The following ZNF276 variants were observed in gnomAD, a reference collection of about 807,000 sequenced individuals.
The protein encoded by ZNF276 is zinc finger protein 276, also known as centromere protein Z.
In ZNF276, 59 loss-of-function variants were observed where a neutral mutation model predicts 63.9. That is an observed-to-expected ratio of 0.92 (90% CI 0.75 to 1.15). The LOEUF (loss-of-function observed/expected upper bound fraction) is 1.15. Among genes scored for constraint, ZNF276 ranks in the 50% most tolerant of loss-of-function variants. The pLI is 0.00. For synonymous variants in ZNF276, 496 were observed against 348.4 expected, an observed-to-expected ratio of 1.42 and a Z score of -4.72; for missense variants, 1,084 against 843.8, an observed-to-expected ratio of 1.28 and a Z score of -3.53.
rs1012444773 is a variant in ZNF276 at position 89,729,184 on chromosome 16, T to G, written c.1086-51T>G. The G allele has an allele frequency of 3.3e-6, 5 of 1,528,934 alleles. No homozygotes were observed. In the Admixed American group the frequency reaches 6.7e-5, roughly 21 times the overall value. The allele number at this position is 1,528,934 out of a possible 1,614,324, so 94.7% of individuals were successfully genotyped here. A position where few individuals can be genotyped will look rare whatever the true frequency, so the allele number is the denominator to read the frequency against. ...TTTAGGCAGGAGGTCGTGTTGGGTCTGTCACTGCCCAGGCCCAGGGCTTTG... is the reference window on the plus strand; with the variant it reads ...TTTAGGCAGGAGGTCGTGTTGGGTCGGTCACTGCCCAGGCCCAGGGCTTTG... On this transcript the variant is annotated intron_variant, in intron 5 of 10. Coordinates refer to ENST00000443381, the MANE Select transcript of ZNF276 (RefSeq NM_001113525.2).
At position 89,733,546 on chromosome 16, in the gene ZNF276, G is replaced by C; in HGVS notation, c.1345G>C (p.Asp449His). ...CTGCACGGCCGTGTACCGAGGCGCT[G>C]ACGGCATGAAGGTGAGCACTGGCTG... The part of the protein sequence containing the change: ...QGCTAVYRGA[D>H]GMKKHIKEHH... Residue 449 changes from aspartate to histidine, a missense_variant, in exon 8 of 11, where the codon GAC becomes CAC. By Grantham distance (81) the Asp-to-His change is moderately conservative. Coordinates refer to ENST00000443381, the MANE Select transcript of ZNF276 (RefSeq NM_001113525.2). 3.1e-6 allele frequency: 5 copies of C among 1,614,062 alleles called. No individual in the cohort carries two copies. The highest frequency in any genetic ancestry group is 4.2e-6 in the Non-Finnish European group (5 of 1,180,044).
In ZNF276 at chr16:89,735,579, A is replaced by G. The variant is rs1188219604; in HGVS notation, c.1474+1541A>G. Reference sequence around the variant, plus strand: ...GGTCACAACCAGCAGTTCCTTAAAAACCTGAAATTGGGCCGGGTGCAGTGG... The same window carrying G: ...GGTCACAACCAGCAGTTCCTTAAAAGCCTGAAATTGGGCCGGGTGCAGTGG... On this transcript the variant is annotated intron_variant, in intron 9 of 10. Transcript: ENST00000443381. Among the ~76,000 whole-genome samples, 4 of 151,878 alleles carry G rather than the reference A, an allele frequency of 2.6e-5. No homozygotes were observed. In the East Asian group the frequency reaches 7.7e-4, roughly 29 times the overall value.
intron 9 of ZNF276, among the ~76,000 whole-genome samples, chr16:89,737,141 ACC>A (rs899524525): frequency 1.3e-5 from 2 of 152,110 alleles, no homozygotes; most frequent in African/African-American, 4.8e-5. Context: ...CTGGGTATGG[ACC>A]CCTCTCATAT....
At chr16:89,720,495 C>A, upstream of ZNF276, 1 of 1,127,802 alleles carries the variant, frequency 8.9e-7, no homozygotes, top group Non-Finnish European at 1.1e-6. Flanking sequence ...CCTGCTACAT[C>A]TCCTCTACAG....
chr16:89,720,572 A>C, upstream of ZNF276: 1 of 1,196,994 alleles, frequency 8.4e-7, no homozygotes, highest in Non-Finnish European at 1.0e-6. Flanking sequence ...GCAGGATCTG[A>C]GCTGTCCAAG....
At position 89,738,666 on chromosome 16, in the gene ZNF276, C is replaced by G. The variant is rs74977201; in HGVS notation, c.*420C>G. 1 of 1,613,026 alleles carries G rather than the reference C, an allele frequency of 6.2e-7. No homozygotes were observed. Among genetic ancestry groups the G allele is most frequent in the South Asian group, 1.1e-5 (1 of 91,038 alleles). ...GCAGCCTGCTGTCTGCTCTGGAGGG[C>G]GGCGCTCACCTCTGGGTCGCAGTCC... is the stretch of plus-strand genomic sequence containing the variant. On this transcript the variant is annotated 3_prime_UTR_variant, in exon 11 of 11. Transcript: ENST00000443381.
upstream of ZNF276, chr16:89,720,966 C>T (rs2061249984): frequency 2.7e-6 from 3 of 1,108,246 alleles, no homozygotes; most frequent in East Asian, 1.1e-4. Flanking sequence ...AGCAGCGGAC[C>T]GCAGGAAGGG....
Position 89,722,890 on chromosome 16 carries a change from G to T in ZNF276, c.509+56G>T, listed in dbSNP as rs567455815. On this transcript the variant is annotated intron_variant, in intron 2 of 10. Transcript: ENST00000443381. ...GGCTGTCAGTACTGCAGTGTGACGGGTGTTGAGAGAGGGACAGGGCGTGCC... is the reference window on the plus strand; with the variant it reads ...GGCTGTCAGTACTGCAGTGTGACGGTTGTTGAGAGAGGGACAGGGCGTGCC... 3.8e-6 allele frequency: 6 copies of T among 1,572,422 alleles called. No individual in the cohort carries two copies. In the African/African-American group the frequency reaches 6.7e-5, roughly 18 times the overall value.
intron 9 of ZNF276, among the ~76,000 whole-genome samples, chr16:89,736,271 C>A (rs1167977729): frequency 1.3e-5 from 2 of 152,002 alleles, no homozygotes; most frequent in African/African-American, 4.8e-5. Context: ...AGGTGATTTG[C>A]CTGCCTTGGC....
In ZNF276 at chr16:89,740,159, G is replaced by C; in HGVS notation, c.*1913G>C. ...CGACCTGGTGCTCCCATGGGTAGGA[G>C]GGTACAGCCCTCAGCACAGAAGAGG... On this transcript the variant is annotated 3_prime_UTR_variant, in exon 11 of 11. Coordinates refer to ENST00000443381, the MANE Select transcript of ZNF276 (RefSeq NM_001113525.2). 7.5e-7 allele frequency: 1 copy of C among 1,337,232 alleles called. No individual in the cohort carries two copies. The highest frequency in any genetic ancestry group is 1.1e-6 in the Non-Finnish European group (1 of 928,710). The allele number at this position is 1,337,232 out of a possible 1,614,324, so 82.8% of individuals were successfully genotyped here.
At chr16:89,725,000 C>T (rs147565172) in intron 4 of ZNF276, among the ~76,000 whole-genome samples, 214 of 152,330 alleles carry the variant, frequency 1.4e-3, no homozygotes, top group African/African-American at 4.9e-3. Flanking sequence ...GGCTGGAGTG[C>T]GGTGGTGCCA....
chr16:89,739,888 AC>A lies in ZNF276; in HGVS notation c.*1643del, dbSNP rs759003764. On this transcript the variant is annotated 3_prime_UTR_variant, in exon 11 of 11. Coordinates refer to ENST00000443381, the MANE Select transcript of ZNF276 (RefSeq NM_001113525.2). ...GTCCCAACTAAAATGGAGCTTATAA[AC>A]TTACTTAGCAAGGAACCTCAAGGAG... 6.4e-7 allele frequency: 1 copy of A among 1,566,000 alleles called. No individual in the cohort carries two copies. The highest frequency in any genetic ancestry group is 8.6e-7 in the Non-Finnish European group (1 of 1,156,922).
Position 89,723,393 on chromosome 16 carries a change from C to T in ZNF276, c.690C>T (p.Val230=), listed in dbSNP as rs371727309. The part of the protein sequence containing the change: ...LSSEYCGVIQ[V]VWGCDQGHDY... The stretch of plus-strand genomic sequence containing the variant: ...CCGAGTACTGCGGCGTCATCCAGGT[C>T]GTGTGGGGCTGCGACCAGGGCCACG... Residue 230 remains valine, a synonymous_variant, in exon 4 of 11, where the codon GTC becomes GTT. Coordinates refer to ENST00000443381, the MANE Select transcript of ZNF276 (RefSeq NM_001113525.2). 169 of 1,612,854 alleles carry T rather than the reference C, an allele frequency of 1.0e-4. No individual in the cohort carries two copies. Among genetic ancestry groups the T allele is most frequent in the Non-Finnish European group, 1.4e-4 (160 of 1,180,010 alleles).
chr16:89,722,481 C>A, intron 1 of ZNF276, 50 bp from the exon 2 acceptor site: 1 of 1,559,172 alleles, frequency 6.4e-7, no homozygotes, highest in South Asian at 1.2e-5. Context: ...ACGCCCTGTG[C>A]TCAGGAGCCT....
rs2061851924 is a variant in ZNF276, at chr16:89,735,886, T to C, written c.1474+1848T>C. Among the ~76,000 whole-genome samples, 4 of 91,966 alleles carry C rather than the reference T, an allele frequency of 4.3e-5. No individual in the cohort carries two copies. In the South Asian group the frequency reaches 2.1e-3, roughly 49 times the overall value. 60.3% of individuals were successfully genotyped at this position (91,966 alleles called of 152,430 possible). On this transcript the variant is annotated intron_variant, in intron 9 of 10. Coordinates refer to ENST00000443381, the MANE Select transcript of ZNF276 (RefSeq NM_001113525.2). Reference sequence around the variant, plus strand: ...TCTGCCACCACGCCGGGGGTGTTTTTTTTTGTTTGTTTGTTTGTTTTTTTG... The same window carrying C: ...TCTGCCACCACGCCGGGGGTGTTTTCTTTTGTTTGTTTGTTTGTTTTTTTG...
At chr16:89,733,450 G>T (rs1253284124) in intron 7 of ZNF276, 32 bp from the exon 8 acceptor site, 1 of 1,614,160 alleles carries the variant, frequency 6.2e-7, no homozygotes, top group Non-Finnish European at 8.5e-7. Flanking sequence ...TGCCTGTCGG[G>T]GCCGGGGCTC....
intron 5 of ZNF276, among the ~76,000 whole-genome samples, chr16:89,727,871 C>T (rs1293525825): frequency 2.0e-5 from 3 of 152,214 alleles, no homozygotes; most frequent in Admixed American, 6.5e-5. Flanking sequence ...CGAGGCTCTG[C>T]GAGGAGGTGT....
At chr16:89,721,880 C>A in intron 1 of ZNF276, 35 bp downstream of exon 1, 1 of 1,186,844 alleles carries the variant, frequency 8.4e-7, no homozygotes, top group South Asian at 4.2e-5. Context: ...GGGTTGGGGT[C>A]GCGGCAGGGG....
chr16:89,738,399 C>T lies in ZNF276; in HGVS notation c.*153C>T, dbSNP rs1180146799. ...TTGGTGTCCGGCTCAAGTAGCCTTC[C>T]TCTGCTCTGGGACCAGTGGTTTATT... On this transcript the variant is annotated 3_prime_UTR_variant, in exon 11 of 11. Coordinates refer to ENST00000443381, the MANE Select transcript of ZNF276 (RefSeq NM_001113525.2). The T allele has an allele frequency of 7.2e-7, 1 of 1,384,514 alleles. No homozygotes were observed. The highest frequency in any genetic ancestry group is 9.7e-7 in the Non-Finnish European group (1 of 1,027,208). The allele number at this position is 1,384,514 out of a possible 1,614,324, so 85.8% of individuals were successfully genotyped here. A position where few individuals can be genotyped will look rare whatever the true frequency, so the allele number is the denominator to read the frequency against.
Sources: gnomAD v4.1 joint callset for allele counts (sites outside exome capture counted in the v4.1 genomes callset) on GRCh38, gnomAD v4.1.1 for gene constraint, MANE v1.5 for transcripts, NCBI Gene and HGNC (gene_info 2026-07-23, HGNC 2026-07-21) for gene names.